RANBP2: variants seen among roughly 807,000 people sequenced by gnomAD.
The protein encoded by RANBP2 is E3 SUMO-protein ligase RanBP2.
In RANBP2, 57 loss-of-function variants were observed where a neutral mutation model predicts 303.6. The ratio of observed to expected loss-of-function variants is 0.19; its 90% CI spans 0.15 to 0.23. The LOEUF (loss-of-function observed/expected upper bound fraction) is 0.23. Among genes scored for constraint, RANBP2 ranks in the 10% least tolerant of loss-of-function variants. RANBP2 has a pLI of 1.00. For synonymous variants in RANBP2, 1,167 were observed against 1,301.5 expected (o/e 0.90, Z 2.23); for missense variants, 3,138 against 3,780.8 (o/e 0.83, Z 4.46).
chr2:108,991,453 T>A, the RANBP2 span, among the ~76,000 whole-genome samples: 1 of 152,226 alleles, frequency 6.6e-6, no homozygotes, highest in South Asian at 2.1e-4. Flanking sequence ...GGGGGTCTCC[T>A]GGGGCTGTGT....
At chr2:109,268,461 CT>C in the RANBP2 span, among the ~76,000 whole-genome samples, 1 of 152,134 alleles carries the variant, frequency 6.6e-6, no homozygotes, top group Non-Finnish European at 1.5e-5. Flanking sequence ...AGGAGTGTGG[CT>C]GCAGCAGCTC....
chr2:109,232,839 T>C, the RANBP2 span, among the ~76,000 whole-genome samples: 1 of 152,324 alleles, frequency 6.6e-6, no homozygotes, highest in Admixed American at 6.5e-5. Context: ...TGCAAAATTT[T>C]ATCGAGGTTC....
At chr2:109,671,660 C>CT in the RANBP2 span, among the ~76,000 whole-genome samples, 1 of 151,968 alleles carries the variant, frequency 6.6e-6, no homozygotes, top group Non-Finnish European at 1.5e-5. Flanking sequence ...GGGGGTGTAT[C>CT]TTTTTTATTG....
At chr2:109,320,616 C>T in the RANBP2 span, among the ~76,000 whole-genome samples, 1 of 152,202 alleles carries the variant, frequency 6.6e-6, no homozygotes, top group Non-Finnish European at 1.5e-5. Context: ...ACTAGGTCAC[C>T]AAAATCAGTG....
At chr2:109,621,837 C>T in the RANBP2 span, among the ~76,000 whole-genome samples, 26,372 of 151,774 alleles carry the variant, frequency 0.17, 2,624 homozygotes, top group African/African-American at 0.27. Flanking sequence ...CTCTTTAACC[C>T]GGGAGGCGGA....
intron 6 of RANBP2, 145 bp from the exon 7 acceptor site, chr2:108,740,344 T>G: frequency 7.5e-7 from 1 of 1,332,854 alleles, no homozygotes; most frequent in Non-Finnish European, 1.0e-6. Flanking sequence ...GATTCATAAT[T>G]TATAACATGG....
the RANBP2 span, among the ~76,000 whole-genome samples, chr2:109,301,580 T>C: frequency 6.6e-6 from 1 of 152,142 alleles, no homozygotes; most frequent in Non-Finnish European, 1.5e-5. Context: ...GCCTAGTGTC[T>C]ACGCTACCAC....
chr2:108,758,617 C>T (rs1676502319), intron 18 of RANBP2, 69 bp downstream of exon 18: 29 of 1,606,388 alleles, frequency 1.8e-5, no homozygotes, highest in South Asian at 7.7e-5. Context: ...AAGTAGATAA[C>T]GTGTGAAATC....
At chr2:108,731,640 T>C in intron 4 of RANBP2, 166 bp downstream of exon 4, 1 of 1,308,624 alleles carries the variant, frequency 7.6e-7, no homozygotes, top group South Asian at 1.5e-5. Flanking sequence ...TCTACTGTCT[T>C]ATTAGGCATT....
chr2:108,902,990 T>C, the RANBP2 span, among the ~76,000 whole-genome samples: 1 of 152,298 alleles, frequency 6.6e-6, no homozygotes, highest in Admixed American at 6.5e-5. Flanking sequence ...ATTATCTATG[T>C]AGAAAATCCC....
At chr2:109,104,163 G>T in the RANBP2 span, among the ~76,000 whole-genome samples, 1 of 152,154 alleles carries the variant, frequency 6.6e-6, no homozygotes, top group Non-Finnish European at 1.5e-5. Flanking sequence ...ATATGTCAAA[G>T]AAATATATTT....
At chr2:108,846,629 A>T in the RANBP2 span, 1 of 862,184 alleles carries the variant, frequency 1.2e-6, no homozygotes, top group Non-Finnish European at 1.8e-6. Context: ...GTGAGCCATG[A>T]TTGCGCTACT....
the RANBP2 span, among the ~76,000 whole-genome samples, chr2:109,101,144 C>T: frequency 6.6e-6 from 1 of 152,096 alleles, no homozygotes; most frequent in Non-Finnish European, 1.5e-5. Context: ...CAGGGAAGTG[C>T]AGGCTGCCAC....
At chr2:108,987,827 T>C in the RANBP2 span, among the ~76,000 whole-genome samples, 1 of 152,236 alleles carries the variant, frequency 6.6e-6, no homozygotes, top group Non-Finnish European at 1.5e-5. Flanking sequence ...ACTCTCTTTT[T>C]GGTGGCCTCT....
the RANBP2 span, among the ~76,000 whole-genome samples, chr2:108,935,772 C>T: frequency 4.6e-5 from 7 of 152,180 alleles, no homozygotes; most frequent in African/African-American, 9.6e-5. Context: ...GCCCTAAGGA[C>T]GGTGCCAGAC....
At position 108,775,862 on chromosome 2, in the gene RANBP2, T is replaced by C. The variant is rs151045545; in HGVS notation, c.8423T>C (p.Val2808Ala). The C allele has an allele frequency of 6.2e-7, 1 of 1,613,554 alleles. No individual in the cohort carries two copies. Residue 2808 changes from valine (V) to alanine (A), a missense_variant, in exon 24 of 29, where the codon GTT (valine) becomes GCT (alanine). Coordinates refer to ENST00000283195, the MANE Select transcript of RANBP2 (RefSeq NM_006267.5). ...SITKSISSPS[V>A]SSETMDKPVD... is the part of the protein sequence containing the mutation. ...ACCAAATCCATTAGTTCACCATCTG[T>C]TTCCTCTGAAACTATGGACAAACCT...
At chr2:109,522,179 A>G in the RANBP2 span, among the ~76,000 whole-genome samples, 17 of 151,770 alleles carry the variant, frequency 1.1e-4, no homozygotes, top group Non-Finnish European at 2.4e-4. Flanking sequence ...TGAGTGGGGT[A>G]TTTTGTTTCT....
the RANBP2 span, among the ~76,000 whole-genome samples, chr2:108,905,691 G>A: frequency 6.6e-6 from 1 of 152,160 alleles, no homozygotes; most frequent in Admixed American, 6.5e-5. Context: ...TTTATCTTTG[G>A]GGTTAATAAG....
In RANBP2 at chr2:108,777,191, G is replaced by A. The variant is rs1275520790; in HGVS notation, c.8559G>A (p.Leu2853=). ...GCACAGGGCTCTCATTTGCAGACTT[G>A]GCTTCCAGTAATTCTGGAGATTTTG... ...GSSTGLSFAD[L]ASSNSGDFAF... is the part of the protein sequence containing the mutation. The change falls in exon 25 of 29, where the codon TTG becomes TTA. Residue 2853 remains leucine, a synonymous_variant. Transcript: ENST00000283195. The A allele has an allele frequency of 6.2e-7, 1 of 1,613,490 alleles. No individual in the cohort carries two copies. The highest frequency in any genetic ancestry group is 1.7e-5 in the Admixed American group (1 of 60,012).
Sources: gnomAD v4.1 joint callset for allele counts (sites outside exome capture counted in the v4.1 genomes callset) on GRCh38, gnomAD v4.1.1 for gene constraint, MANE v1.5 for transcripts, NCBI Gene and HGNC (gene_info 2026-07-23, HGNC 2026-07-21) for gene names.